The following ABI3BP variants were observed in gnomAD, a reference collection of about 807,000 sequenced individuals.
The protein encoded by ABI3BP is ABI family member 3 binding protein, also known as target of Nesh-SH3.
In ABI3BP, 216 loss-of-function variants were observed where a neutral mutation model predicts 268.6. The observed-to-expected ratio is 0.80, with a 90% CI of 0.72 to 0.90. The LOEUF (loss-of-function observed/expected upper bound fraction) is 0.90, where lower values mean the gene tolerates loss of function less well. ABI3BP is among the 40% of genes least tolerant of loss of function. The pLI, the probability that ABI3BP is intolerant of heterozygous loss-of-function variation, is 0.00. For missense variants in ABI3BP, 2,090 were observed against 2,182.4 expected, an observed-to-expected ratio of 0.96 and a Z score of 0.84; for synonymous variants, 730 against 730.0, an observed-to-expected ratio of 1.00 and a Z score of 0.00.
At chr3:100,895,546 A>AT (rs1028033081) in intron 4 of ABI3BP, among the ~76,000 whole-genome samples, 5 of 152,226 alleles carry the variant, frequency 3.3e-5, no homozygotes, top group African/African-American at 7.2e-5. Flanking sequence ...AATGTAAATC[A>AT]TTTTTTTAAA....
At chr3:100,811,672 G>C in intron 47 of ABI3BP, 56 bp downstream of exon 47, 1 of 1,472,326 alleles carries the variant, frequency 6.8e-7, no homozygotes, top group Non-Finnish European at 9.2e-7. Context: ...GGATGTAACT[G>C]ATGTTAATTT....
chr3:100,962,453 T>TA (rs2079489849), intron 1 of ABI3BP, among the ~76,000 whole-genome samples: 1 of 152,154 alleles, frequency 6.6e-6, no homozygotes, highest in African/African-American at 2.4e-5. Flanking sequence ...TCGCTTATCT[T>TA]AAAAAACAAC....
At chr3:100,833,450 A>C (rs748747181) in intron 29 of ABI3BP, among the ~76,000 whole-genome samples, 28 of 152,322 alleles carry the variant, frequency 1.8e-4, no homozygotes, top group Non-Finnish European at 3.5e-4. Flanking sequence ...TAATAATGTT[A>C]TGTTTAAAAA....
intron 1 of ABI3BP, among the ~76,000 whole-genome samples, chr3:100,975,332 G>A (rs1477770885): frequency 2.0e-5 from 3 of 152,154 alleles, no homozygotes; most frequent in Admixed American, 6.5e-5. Context: ...ATATACCTGC[G>A]CTTCTAGTAA....
At chr3:100,758,472 AAC>A (rs2095757084) in intron 63 of ABI3BP, among the ~76,000 whole-genome samples, 1 of 152,162 alleles carries the variant, frequency 6.6e-6, no homozygotes, top group Non-Finnish European at 1.5e-5. Flanking sequence ...GAATTTGACA[AAC>A]ACTGCCATAG....
At chr3:100,934,572 T>C (rs2065165959) in intron 1 of ABI3BP, among the ~76,000 whole-genome samples, 1 of 152,212 alleles carries the variant, frequency 6.6e-6, no homozygotes, top group Admixed American at 6.5e-5. Flanking sequence ...TCTTCCACAA[T>C]GGTTGGACTG....
chr3:100,818,461 C>G, intron 41 of ABI3BP, 64 bp downstream of exon 41: 6 of 1,329,468 alleles, frequency 4.5e-6, no homozygotes, highest in Non-Finnish European at 6.2e-6. Flanking sequence ...GAAGAAGAAA[C>G]TGACTACAGT....
intron 4 of ABI3BP, among the ~76,000 whole-genome samples, chr3:100,894,350 A>G (rs1271355290): frequency 2.0e-5 from 3 of 152,182 alleles, no homozygotes; most frequent in Admixed American, 6.5e-5. Context: ...GTAACACATA[A>G]AAGTGAGAAT....
intron 2 of ABI3BP, among the ~76,000 whole-genome samples, chr3:100,922,553 TGATGGC>T (rs1268567142): frequency 3.4e-5 from 5 of 146,182 alleles, no homozygotes; most frequent in Middle Eastern, 3.4e-3. Context: ...ATGGTGATGG[TGATGGC>T]GATGGCGATG....
chr3:100,989,168 A>G (rs746873586), intron 1 of ABI3BP, among the ~76,000 whole-genome samples: 6 of 152,164 alleles, frequency 3.9e-5, no homozygotes, highest in Non-Finnish European at 7.4e-5. Context: ...GTGAGGATGC[A>G]GCAAGAAGGC....
intron 4 of ABI3BP, among the ~76,000 whole-genome samples, chr3:100,890,923 T>C (rs1229896742): frequency 6.6e-6 from 1 of 152,132 alleles, no homozygotes; most frequent in Non-Finnish European, 1.5e-5. Flanking sequence ...CAAGGTAGCA[T>C]GTGAGCCCCA....
intron 9 of ABI3BP, among the ~76,000 whole-genome samples, chr3:100,870,617 TATTATAGAA>T (rs1444218106): frequency 2.6e-5 from 4 of 152,198 alleles, no homozygotes; most frequent in African/African-American, 9.7e-5. Context: ...TTGGTGCAGC[TATTATAGAA>T]AATGGTATGG....
intron 57 of ABI3BP, among the ~76,000 whole-genome samples, chr3:100,784,709 G>A (rs1181849031): frequency 6.6e-6 from 1 of 152,120 alleles, no homozygotes; most frequent in Non-Finnish European, 1.5e-5. Flanking sequence ...GATAAAAAAG[G>A]AACATGATAA....
chr3:100,768,042 A>G (rs2096366076), intron 62 of ABI3BP, among the ~76,000 whole-genome samples: 3 of 151,370 alleles, frequency 2.0e-5, no homozygotes, highest in African/African-American at 7.3e-5. Context: ...TAGTAGTTGA[A>G]ACTTCTATTG....
chr3:100,970,989 C>T (rs187966906), intron 1 of ABI3BP, among the ~76,000 whole-genome samples: 1 of 152,306 alleles, frequency 6.6e-6, no homozygotes, highest in African/African-American at 2.4e-5. Flanking sequence ...AGATGTACAT[C>T]AAACAAAGAG....
intron 1 of ABI3BP, among the ~76,000 whole-genome samples, chr3:100,954,975 CTTTTTTTTTTTTTT>C (rs71299382): frequency 8.4e-5 from 8 of 94,768 alleles, no homozygotes; most frequent in South Asian, 3.8e-4. Flanking sequence ...TAAATTTTGT[CTTTTTTTTTTTTTT>C]TTTTTTTTTT....
intron 54 of ABI3BP, 31 bp downstream of exon 54, chr3:100,794,892 C>T: frequency 2.7e-6 from 4 of 1,495,380 alleles, no homozygotes; most frequent in Non-Finnish European, 3.6e-6. Flanking sequence ...AAGGCAAGCT[C>T]TCTTTGAACA....
intron 1 of ABI3BP, among the ~76,000 whole-genome samples, chr3:100,979,137 C>G (rs1466386595): frequency 6.6e-6 from 1 of 152,178 alleles, no homozygotes; most frequent in Non-Finnish European, 1.5e-5. Flanking sequence ...TTTATCCAGC[C>G]CTCTAAGAGA....
chr3:100,905,898 G>C (rs2053201544), intron 2 of ABI3BP, among the ~76,000 whole-genome samples: 1 of 151,828 alleles, frequency 6.6e-6, no homozygotes, highest in African/African-American at 2.4e-5. Context: ...ACCACAAAAA[G>C]GAAAAAGCTT....
Sources: allele counts gnomAD v4.1 joint callset (sites outside exome capture counted in the v4.1 genomes callset), GRCh38; gene constraint gnomAD v4.1.1; transcripts MANE v1.5; gene names NCBI Gene and HGNC (gene_info 2026-07-23, HGNC 2026-07-21).